DEPDC1B: variants seen among roughly 807,000 people sequenced by gnomAD.
The protein encoded by DEPDC1B is DEP domain-containing protein 1B.
Under a neutral mutation model 66.5 loss-of-function variants are expected in DEPDC1B, and 51 were observed. The observed-to-expected ratio is 0.77, with a 90% confidence interval of 0.61 to 0.97. The LOEUF (loss-of-function observed/expected upper bound fraction) is 0.97, where lower values mean the gene tolerates loss of function less well. DEPDC1B is among the 50% of genes least tolerant of loss of function. DEPDC1B has a pLI of 0.00. For synonymous variants in DEPDC1B, 226 were observed against 223.6 expected (o/e 1.01, Z -0.10); for missense variants, 552 against 637.1 (o/e 0.87, Z 1.44).
intron 1 of DEPDC1B, among the ~76,000 whole-genome samples, chr5:60,690,504 C>T (rs967500437): frequency 6.6e-6 from 1 of 152,190 alleles, no homozygotes; most frequent in Non-Finnish European, 1.5e-5. Context: ...TAACATATTT[C>T]TAATTTCTTT....
chr5:60,645,529 T>A lies in DEPDC1B; in HGVS notation c.541A>T (p.Asn181Tyr), dbSNP rs755800383. ...LVHRRQLTEA[N>Y]VEEIWKSMTL... ...ATAGACTTCCATATCTCTTCTACAT[T>A]GGCCTCTGTCAGCTGTCTGCGGTGG... The change falls in exon 4 of 11, where the codon AAT (asparagine) becomes TAT (tyrosine). Residue 181 changes from asparagine to tyrosine, a missense_variant. Physicochemically the swap from Asn to Tyr is moderately radical, Grantham distance 143. Coordinates refer to ENST00000265036, the MANE Select transcript of DEPDC1B (RefSeq NM_018369.3). 21 of 1,613,004 alleles carry A rather than the reference T, an allele frequency of 1.3e-5. No homozygotes were observed. Among genetic ancestry groups the A allele is most frequent in the Non-Finnish European group, 1.8e-5 (21 of 1,179,442 alleles).
At chr5:60,643,962 A>G (rs1753251605) in intron 5 of DEPDC1B, among the ~76,000 whole-genome samples, 1 of 152,154 alleles carries the variant, frequency 6.6e-6, no homozygotes, top group Non-Finnish European at 1.5e-5. Context: ...GCTTCCCAGG[A>G]GCCTCCAGCC....
intron 6 of DEPDC1B, 51 bp downstream of exon 6, chr5:60,642,760 AG>A: frequency 6.8e-7 from 1 of 1,466,902 alleles, no homozygotes. Context: ...TTCCTAATTT[AG>A]GGCACTAATT....
At chr5:60,681,522 C>G (rs1193950282) in intron 2 of DEPDC1B, among the ~76,000 whole-genome samples, 1 of 152,154 alleles carries the variant, frequency 6.6e-6, no homozygotes, top group Non-Finnish European at 1.5e-5. Flanking sequence ...CTACAAAAGC[C>G]AATCCATAAA....
In DEPDC1B at chr5:60,638,952, C is replaced by A. The variant is rs576317214; in HGVS notation, c.758-62G>T. On this transcript the variant is annotated intron_variant, in intron 6 of 10. Transcript: ENST00000265036. ...GGAGTAATTACCTCTAAGTATTATT[C>A]TCTGTGAATATGTGTGGCGTGTACA... The A allele has an allele frequency of 1.1e-5, 18 of 1,566,144 alleles. No homozygotes were observed. In the East Asian group the frequency reaches 2.5e-4, roughly 22 times the overall value.
rs112064380 is a variant in DEPDC1B, at chr5:60,683,305, G to A, written c.314+3657C>T. On this transcript the variant is annotated intron_variant, in intron 2 of 10. Coordinates refer to ENST00000265036, the MANE Select transcript of DEPDC1B (RefSeq NM_018369.3). ...AAAATTAGCTGAGCATGTGGCGTGC[G>A]CTTGTAGTCCCTGCTATGCAGGAGG... Among the ~76,000 whole-genome samples, 1,469 of 152,140 alleles carry A rather than the reference G, an allele frequency of 9.7e-3. 25 individuals carry two copies. The highest frequency in any genetic ancestry group is 0.033 in the African/African-American group (1,385 of 41,492).
chr5:60,645,653 G>A, intron 3 of DEPDC1B, 34 bp from the exon 4 acceptor site: 1 of 1,579,902 alleles, frequency 6.3e-7, no homozygotes. Context: ...GGGAGGGAAG[G>A]AGAAACGGTA....
Position 60,645,549 on chromosome 5 carries a change from C to A in DEPDC1B, c.521G>T (p.Arg174Leu), listed in dbSNP as rs374381184. 1 of 1,612,694 alleles carries A rather than the reference C, an allele frequency of 6.2e-7. No homozygotes were observed. The highest frequency in any genetic ancestry group is 1.1e-5 in the South Asian group (1 of 90,972). The change falls in exon 4 of 11, where the codon CGC becomes CTC. Residue 174 changes from arginine to leucine, a missense_variant. By Grantham distance (102) the Arg-to-Leu change is moderately radical. Coordinates refer to ENST00000265036, the MANE Select transcript of DEPDC1B (RefSeq NM_018369.3). Reference sequence around the variant, plus strand: ...TACATTGGCCTCTGTCAGCTGTCTGCGGTGGACAAGACGGCAAGCTGGCAC... The same window carrying A: ...TACATTGGCCTCTGTCAGCTGTCTGAGGTGGACAAGACGGCAAGCTGGCAC... The part of the protein sequence containing the change: ...GEVPACRLVH[R>L]RQLTEANVEE...
chr5:60,673,115 AT>A (rs1252117721), intron 2 of DEPDC1B, among the ~76,000 whole-genome samples: 1 of 152,104 alleles, frequency 6.6e-6, no homozygotes, highest in Non-Finnish European at 1.5e-5. Flanking sequence ...CGCGCCCTTG[AT>A]CACCCTGACC....
chr5:60,700,073 C>T lies in DEPDC1B; in HGVS notation c.21G>A (p.Gly7=). The part of the protein sequence containing the change: MEHRIV[G]PGPYRATRLW... ...GCCTGGTAGCTCGGTACGGCCCGGG[C>T]CCCACGATGCGATGCTCCATGGCGC... Residue 7 remains glycine, a synonymous_variant, in exon 1 of 11, where the codon GGG becomes GGA. Coordinates refer to ENST00000265036, the MANE Select transcript of DEPDC1B (RefSeq NM_018369.3). 3 of 1,557,472 alleles carry T rather than the reference C, an allele frequency of 1.9e-6. No homozygotes were observed. The highest frequency in any genetic ancestry group is 1.7e-6 in the Non-Finnish European group (2 of 1,152,828).
intron 2 of DEPDC1B, among the ~76,000 whole-genome samples, chr5:60,685,051 T>C (rs918391125): frequency 6.6e-6 from 1 of 152,168 alleles, no homozygotes; most frequent in Admixed American, 6.6e-5. Flanking sequence ...TTAGAATGGC[T>C]ATTGTCAAAT....
chr5:60,607,724 A>T (rs1752339849), intron 7 of DEPDC1B, among the ~76,000 whole-genome samples: 1 of 152,178 alleles, frequency 6.6e-6, no homozygotes, highest in Non-Finnish European at 1.5e-5. Flanking sequence ...CTCTCTAAGG[A>T]GGTAACATGT....
intron 2 of DEPDC1B, among the ~76,000 whole-genome samples, chr5:60,662,798 A>C (rs1753750313): frequency 6.6e-6 from 1 of 152,130 alleles, no homozygotes; most frequent in African/African-American, 2.4e-5. Context: ...GATGCCCAGG[A>C]CAAGTGCCAG....
rs112346476 is a variant in DEPDC1B, at chr5:60,669,806, G to A, written c.314+17156C>T. Among the ~76,000 whole-genome samples, 229 of 152,206 alleles carry A rather than the reference G, an allele frequency of 1.5e-3. 3 individuals are homozygous for A. Among genetic ancestry groups the A allele is most frequent in the Middle Eastern group, 3.4e-3 (1 of 294 alleles). ...AGTGAGCATTTTTAAGGAGAGAGGT[G>A]AGCTTATCTGAAAGACACTCCTACC... On this transcript the variant is annotated intron_variant, in intron 2 of 10. Transcript: ENST00000265036.
intron 2 of DEPDC1B, among the ~76,000 whole-genome samples, chr5:60,675,318 T>C (rs150553737): frequency 2.0e-4 from 31 of 152,276 alleles, no homozygotes; most frequent in Non-Finnish European, 3.8e-4. Context: ...ATTTTCATCA[T>C]TATCCCACAA....
intron 7 of DEPDC1B, among the ~76,000 whole-genome samples, chr5:60,633,948 G>A (rs1019607508): frequency 1.7e-4 from 26 of 152,126 alleles, no homozygotes; most frequent in African/African-American, 5.8e-4. Context: ...CACAAATCCA[G>A]GAAGCACAAT....
chr5:60,609,228 G>A (rs1320598122), intron 7 of DEPDC1B, among the ~76,000 whole-genome samples: 2 of 152,080 alleles, frequency 1.3e-5, no homozygotes, highest in Admixed American at 6.6e-5. Flanking sequence ...GGTGATAAGC[G>A]ACCATCCTTG....
intron 8 of DEPDC1B, 108 bp downstream of exon 8, chr5:60,605,581 CT>C: frequency 7.9e-7 from 1 of 1,257,996 alleles, no homozygotes; most frequent in Middle Eastern, 2.0e-4. Flanking sequence ...GACTGTGGCT[CT>C]TTTAAGCAAG....
chr5:60,689,098 ATCCCAGT>A (rs1342713409), intron 1 of DEPDC1B: 2 of 455,946 alleles, frequency 4.4e-6, no homozygotes, highest in Non-Finnish European at 8.8e-6. Flanking sequence ...TTGAGTTCAA[ATCCCAGT>A]TCTGCCATAT....
Sources: gnomAD v4.1 joint callset for allele counts (sites outside exome capture counted in the v4.1 genomes callset) on GRCh38, gnomAD v4.1.1 for gene constraint, MANE v1.5 for transcripts, NCBI Gene and HGNC (gene_info 2026-07-23, HGNC 2026-07-21) for gene names.